The following DCAF8L2 variants were observed in gnomAD, a reference collection of about 807,000 sequenced individuals.
DCAF8L2 encodes DDB1 and CUL4 associated factor 8 like 2, also known as DDB1- and CUL4-associated factor 8-like protein 2.
For synonymous variants in DCAF8L2, 200 were observed against 190.9 expected (o/e 1.05, Z -0.39); for missense variants, 430 against 490.7 (o/e 0.88, Z 1.17).
At chrX:27,573,528 T>A in the DCAF8L2 span, among the ~76,000 whole-genome samples, 1 of 111,284 alleles carries the variant, frequency 9.0e-6, no homozygotes, top group Non-Finnish European at 1.9e-5. Flanking sequence ...GCAGATCTAG[T>A]AACCAAAAAG....
intron 3 of DCAF8L2, among the ~76,000 whole-genome samples, chrX:27,690,959 T>C (rs1483017862): frequency 8.9e-6 from 1 of 111,937 alleles, no homozygotes; most frequent in Non-Finnish European, 1.9e-5. Context: ...AATATTCCCA[T>C]GTGTCATCAA....
intron 1 of DCAF8L2, among the ~76,000 whole-genome samples, chrX:27,592,970 T>C (rs1926188335): frequency 9.0e-6 from 1 of 110,637 alleles, no homozygotes; most frequent in Non-Finnish European, 1.9e-5. Flanking sequence ...AGCTAATTTT[T>C]GTATTTTTAG....
the DCAF8L2 span, among the ~76,000 whole-genome samples, chrX:27,529,475 G>A: frequency 8.9e-6 from 1 of 111,906 alleles, no homozygotes; most frequent in African/African-American, 3.2e-5. Flanking sequence ...TAAAATGTTA[G>A]TAATGAGTGT....
chrX:27,546,892 T>C, the DCAF8L2 span, among the ~76,000 whole-genome samples: 1 of 112,327 alleles, frequency 8.9e-6, no homozygotes, highest in Admixed American at 9.4e-5. Context: ...ATCTCTGACA[T>C]TCCCTGGAGA....
chrX:27,471,154 T>A, the DCAF8L2 span, among the ~76,000 whole-genome samples: 3 of 111,878 alleles, frequency 2.7e-5, no homozygotes, highest in Non-Finnish European at 5.6e-5. Context: ...AAATAGTAAA[T>A]CTCAAAAGAC....
At chrX:27,605,444 T>C (rs750243866) in intron 1 of DCAF8L2, among the ~76,000 whole-genome samples, 2 of 110,994 alleles carry the variant, frequency 1.8e-5, no homozygotes, top group South Asian at 7.4e-4. Context: ...TATTATATAT[T>C]GTATTAATAT....
intron 3 of DCAF8L2, among the ~76,000 whole-genome samples, chrX:27,687,173 G>A (rs944704446): frequency 9.8e-5 from 11 of 111,903 alleles, no homozygotes; most frequent in African/African-American, 2.6e-4. Flanking sequence ...AATATCTTGT[G>A]TAGCCTATAC....
chrX:27,533,123 A>G, the DCAF8L2 span, among the ~76,000 whole-genome samples: 1 of 30,424 alleles, frequency 3.3e-5, no homozygotes, highest in Non-Finnish European at 9.6e-5. Flanking sequence ...GAAGGAAGGG[A>G]AAGGAAGGAA....
chrX:27,652,133 A>G (rs990169056), intron 2 of DCAF8L2, among the ~76,000 whole-genome samples: 1 of 110,823 alleles, frequency 9.0e-6, no homozygotes, highest in Non-Finnish European at 1.9e-5. Context: ...CATTTTGTTC[A>G]TTTACTTTTA....
chrX:27,578,190 A>G, the DCAF8L2 span, among the ~76,000 whole-genome samples: 1 of 111,815 alleles, frequency 8.9e-6, no homozygotes, highest in Non-Finnish European at 1.9e-5. Flanking sequence ...CCAAAACAGC[A>G]TGGTACTGGT....
intron 1 of DCAF8L2, among the ~76,000 whole-genome samples, chrX:27,611,196 G>C (rs1303027726): frequency 9.0e-6 from 1 of 111,069 alleles, no homozygotes; most frequent in Non-Finnish European, 1.9e-5. Context: ...ACGGGGATGG[G>C]ATATAAATCT....
chrX:27,551,880 C>T, the DCAF8L2 span, among the ~76,000 whole-genome samples: 1 of 111,536 alleles, frequency 9.0e-6, no homozygotes. Flanking sequence ...ATATGGTAGT[C>T]GTATTTTAAA....
chrX:27,547,901 C>CTCTCTCTG, the DCAF8L2 span, among the ~76,000 whole-genome samples: 1 of 92,827 alleles, frequency 1.1e-5, no homozygotes, highest in Non-Finnish European at 2.1e-5. Context: ...TTCTCTCTCT[C>CTCTCTCTG]TCTCTCTCTC....
At chrX:27,531,715 AG>A in the DCAF8L2 span, among the ~76,000 whole-genome samples, 1 of 111,592 alleles carries the variant, frequency 9.0e-6, no homozygotes, top group African/African-American at 3.3e-5. Context: ...CCAGTATTTG[AG>A]GGGCTACATC....
chrX:27,596,897 A>G (rs2147114150), intron 1 of DCAF8L2, among the ~76,000 whole-genome samples: 1 of 111,635 alleles, frequency 9.0e-6, no homozygotes, highest in East Asian at 2.8e-4. Flanking sequence ...TTCTTATACC[A>G]TTGGTTCTAA....
At position 27,677,842 on chromosome X, in the gene DCAF8L2, T is replaced by G; in HGVS notation, c.-213T>G. ...ACTGTTGCTGCTTTTGCAGATGTGT[T>G]TTCTTAATTGAAGAAAATCATATCA... On this transcript the variant is annotated 5_prime_UTR_variant, in exon 3 of 5. Coordinates refer to ENST00000451261, the MANE Select transcript of DCAF8L2 (RefSeq NM_001353450.2). 1 of 111,867 alleles carries G rather than the reference T, an allele frequency of 8.9e-6. No individual in the cohort carries two copies. Among genetic ancestry groups the G allele is most frequent in the Non-Finnish European group, 1.9e-5 (1 of 53,131 alleles). The allele number at this position is 111,867 out of a possible 1,213,427, so 9.2% of individuals were successfully genotyped here.
At chrX:27,627,614 G>C (rs935360928) in intron 1 of DCAF8L2, among the ~76,000 whole-genome samples, 9 of 106,987 alleles carry the variant, frequency 8.4e-5, no homozygotes, top group Non-Finnish European at 1.3e-4. Context: ...ACATAATATG[G>C]GCCGGGCACA....
intron 2 of DCAF8L2, among the ~76,000 whole-genome samples, chrX:27,660,231 C>T (rs1602707982): frequency 1.8e-5 from 2 of 111,284 alleles, no homozygotes; most frequent in South Asian, 7.8e-4. Context: ...ACCATGTTGG[C>T]CAGACTGGTC....
At chrX:27,628,796 G>C (rs1928162315) in intron 1 of DCAF8L2, among the ~76,000 whole-genome samples, 1 of 110,096 alleles carries the variant, frequency 9.1e-6, no homozygotes, top group Admixed American at 9.7e-5. Flanking sequence ...GTAGAGACGG[G>C]GTTTCACCAT....
Sources: gnomAD v4.1 joint callset for allele counts (sites outside exome capture counted in the v4.1 genomes callset) on GRCh38, gnomAD v4.1.1 for gene constraint, MANE v1.5 for transcripts, NCBI Gene and HGNC (gene_info 2026-07-23, HGNC 2026-07-21) for gene names.